Variants in SIPA1L3 observed in about 807,000 individuals in gnomAD.
The protein encoded by SIPA1L3 is signal-induced proliferation-associated 1-like protein 3.
SIPA1L3 carries 59 observed loss-of-function variants against 150.1 expected under a neutral mutation model. That is an observed-to-expected ratio of 0.39 (90% CI 0.32 to 0.49). SIPA1L3 has a LOEUF of 0.49. Ranked by LOEUF, SIPA1L3 falls within the 20% of genes least tolerant of loss-of-function variation. The pLI, the probability that SIPA1L3 is intolerant of heterozygous loss-of-function variation, is 0.86. For missense variants in SIPA1L3, 2,211 were observed against 2,489.5 expected, an observed-to-expected ratio of 0.89 and a Z score of 2.38; for synonymous variants, 1,070 against 1,077.6, an observed-to-expected ratio of 0.99 and a Z score of 0.14.
At chr19:38,138,566 G>A (rs1352878518) in intron 10 of SIPA1L3, among the ~76,000 whole-genome samples, 3 of 24,792 alleles carry the variant, frequency 1.2e-4, no homozygotes, top group Non-Finnish European at 2.0e-4. Context: ...GTCATTCTCA[G>A]TCAGTCTCTT....
At chr19:38,132,754 T>G (rs1340772108) in intron 10 of SIPA1L3, among the ~76,000 whole-genome samples, 1 of 151,230 alleles carries the variant, frequency 6.6e-6, no homozygotes, top group East Asian at 2.0e-4. Context: ...TTCCAGCGAT[T>G]CTCCTGTGTC....
chr19:37,929,758 C>T (rs1361276419), intron 1 of SIPA1L3, among the ~76,000 whole-genome samples: 2 of 152,192 alleles, frequency 1.3e-5, no homozygotes, highest in African/African-American at 4.8e-5. Flanking sequence ...AGTGCTTACC[C>T]CCAGGGGCCA....
intron 2 of SIPA1L3, among the ~76,000 whole-genome samples, chr19:38,069,831 ATT>A (rs143984654): frequency 5.1e-5 from 7 of 136,274 alleles, no homozygotes; most frequent in Non-Finnish European, 4.8e-5. Flanking sequence ...TACCTGGTTA[ATT>A]TTTTTTTTTT....
At chr19:38,139,063 G>A (rs1196179589) in intron 10 of SIPA1L3, among the ~76,000 whole-genome samples, 1 of 151,764 alleles carries the variant, frequency 6.6e-6, no homozygotes, top group Non-Finnish European at 1.5e-5. Flanking sequence ...AGGTGTGGTG[G>A]CACACACCTG....
At position 38,130,961 on chromosome 19, in the gene SIPA1L3, T is replaced by C. The variant is rs1470814556; in HGVS notation, c.3143+189T>C. On this transcript the variant is annotated intron_variant, in intron 10 of 21. Coordinates refer to ENST00000222345, the MANE Select transcript of SIPA1L3 (RefSeq NM_015073.3). ...CAGAGCGCTTACTGTATGCCAGTTA[T>C]TGGTTTAGCCCTTCATACGTGCATG... 6.4e-6 allele frequency: 4 copies of C among 620,550 alleles called. No individual in the cohort carries two copies. The Admixed American group carries it at 9.4e-5, about 15-fold the overall frequency. 38.4% of individuals were successfully genotyped at this position (620,550 alleles called of 1,614,324 possible). A position where few individuals can be genotyped will look rare whatever the true frequency, so the allele number is the denominator to read the frequency against.
intron 1 of SIPA1L3, among the ~76,000 whole-genome samples, chr19:37,944,950 CATAA>C (rs528165380): frequency 6.6e-6 from 1 of 151,992 alleles, no homozygotes; most frequent in Non-Finnish European, 1.5e-5. Context: ...GACTCCATCT[CATAA>C]ATAAATAAAT....
intron 1 of SIPA1L3, among the ~76,000 whole-genome samples, chr19:37,912,677 T>A (rs973192811): frequency 2.0e-5 from 3 of 152,134 alleles, no homozygotes; most frequent in African/African-American, 7.2e-5. Context: ...TAAATTTTTG[T>A]AGAGATAGGG....
chr19:38,093,598 A>C (rs1297975136), intron 4 of SIPA1L3, among the ~76,000 whole-genome samples: 1 of 152,190 alleles, frequency 6.6e-6, no homozygotes, highest in East Asian at 1.9e-4. Flanking sequence ...GGTTGAGCTC[A>C]CGGATGGGGT....
chr19:38,055,011 G>A (rs562262157), intron 2 of SIPA1L3, among the ~76,000 whole-genome samples: 1 of 152,348 alleles, frequency 6.6e-6, no homozygotes, highest in African/African-American at 2.4e-5. Flanking sequence ...GCCAGTGCTT[G>A]TAACTGATTC....
chr19:37,997,997 G>A (rs2145649629), intron 1 of SIPA1L3, among the ~76,000 whole-genome samples: 1 of 152,288 alleles, frequency 6.6e-6, no homozygotes, highest in East Asian at 1.9e-4. Context: ...TTAAACTTGG[G>A]CTGCTTGGAT....
chr19:38,126,697 C>T (rs1014532040), intron 9 of SIPA1L3, among the ~76,000 whole-genome samples: 4 of 151,872 alleles, frequency 2.6e-5, no homozygotes, highest in Non-Finnish European at 4.4e-5. Flanking sequence ...CCACCATGCC[C>T]AGCTAATTTT....
At chr19:38,133,032 C>A (rs560820247) in intron 10 of SIPA1L3, among the ~76,000 whole-genome samples, 3 of 152,232 alleles carry the variant, frequency 2.0e-5, no homozygotes, top group African/African-American at 7.2e-5. Context: ...GCGGCCTCCC[C>A]ATGGTGTCCT....
Position 38,201,897 on chromosome 19 carries a change from C to T in SIPA1L3, c.5020C>T (p.Pro1674Ser). 4 of 1,613,844 alleles carry T rather than the reference C, an allele frequency of 2.5e-6. No homozygotes were observed. In the South Asian group the frequency reaches 4.4e-5, roughly 18 times the overall value. The change falls in exon 20 of 22, where the codon CCG (proline) becomes TCG (serine). Residue 1674 changes from proline to serine, a missense_variant. Coordinates refer to ENST00000222345, the MANE Select transcript of SIPA1L3 (RefSeq NM_015073.3). ...RAVSLFSLND[P>S]ALSPDIPPAH... is the part of the protein sequence containing the mutation. ...CGTCTCACTCTTCTCTCTGAACGAC[C>T]CGGCCCTGAGCCCGGACATCCCGCC...
rs567181753 is a variant in SIPA1L3, at chr19:38,035,740, A to G, written c.-311+6584A>G. Among the ~76,000 whole-genome samples, 3 of 152,044 alleles carry G rather than the reference A, an allele frequency of 2.0e-5. No homozygotes were observed. The South Asian group carries it at 6.2e-4, about 32-fold the overall frequency. The stretch of plus-strand genomic sequence containing the variant: ...ATAATGAGATGATGATGATGAGATG[A>G]TGGTGGTGGCGGTGGTGGAGGTGGT... On this transcript the variant is annotated intron_variant, in intron 2 of 21. Coordinates refer to ENST00000222345, the MANE Select transcript of SIPA1L3 (RefSeq NM_015073.3).
intron 6 of SIPA1L3, among the ~76,000 whole-genome samples, chr19:38,104,994 GGC>G (rs1203798710): frequency 6.6e-6 from 1 of 152,100 alleles, no homozygotes; most frequent in East Asian, 1.9e-4. Context: ...CTCCCAACCT[GGC>G]TCTGGCACTG....
intron 15 of SIPA1L3, among the ~76,000 whole-genome samples, chr19:38,166,410 T>C: frequency 6.7e-6 from 1 of 149,002 alleles, no homozygotes; most frequent in African/African-American, 2.5e-5. Context: ...TGAGCCGAGA[T>C]CGTGCCACTG....
chr19:38,187,633 C>T lies in SIPA1L3; in HGVS notation c.4431-4512C>T, dbSNP rs566234337. On this transcript the variant is annotated intron_variant, in intron 16 of 21. Transcript: ENST00000222345. ...TCGGGAGGCTGAGGCAGGAGAATGG[C>T]GTGAACCCCAGGGGGCGGAGCCTGC... Among the ~76,000 whole-genome samples, 10 of 138,674 alleles carry T rather than the reference C, an allele frequency of 7.2e-5. No individual in the cohort carries two copies. The South Asian group carries it at 9.7e-4, about 13-fold the overall frequency. The allele number at this position is 138,674 out of a possible 152,430, so 91.0% of individuals were successfully genotyped here.
intron 18 of SIPA1L3, among the ~76,000 whole-genome samples, chr19:38,196,678 G>A (rs1314537719): frequency 6.6e-6 from 1 of 151,442 alleles, no homozygotes; most frequent in Non-Finnish European, 1.5e-5. Context: ...CAAGGGTGGA[G>A]CGTGGAGGTC....
rs930860625 is a variant in SIPA1L3, at chr19:37,984,327, T to C, written c.-378-44762T>C. ...AAAACGGGTGGAGTGAGAAGAAGCATACATCTAGTAGGATTTCCAGAAATA... is the reference window on the plus strand; with the variant it reads ...AAAACGGGTGGAGTGAGAAGAAGCACACATCTAGTAGGATTTCCAGAAATA... On this transcript the variant is annotated intron_variant, in intron 1 of 21. Coordinates refer to ENST00000222345, the MANE Select transcript of SIPA1L3 (RefSeq NM_015073.3). Among the ~76,000 whole-genome samples the C allele has an allele frequency of 5.9e-5, 9 of 152,210 alleles. No individual in the cohort carries two copies. The East Asian group carries it at 1.5e-3, about 26-fold the overall frequency.
Sources: allele counts gnomAD v4.1 joint callset (sites outside exome capture counted in the v4.1 genomes callset), GRCh38; gene constraint gnomAD v4.1.1; transcripts MANE v1.5; gene names NCBI Gene and HGNC (gene_info 2026-07-23, HGNC 2026-07-21).